Variants in DIXDC1 observed in about 807,000 individuals in gnomAD.
DIXDC1 encodes DIX domain containing 1, also known as dixin.
DIXDC1 carries 64 observed loss-of-function variants against 103.1 expected under a neutral mutation model. That is an observed-to-expected ratio of 0.62 (90% CI 0.51 to 0.76). The LOEUF (loss-of-function observed/expected upper bound fraction) is 0.76. Ranked by LOEUF, DIXDC1 falls within the 30% of genes least tolerant of loss-of-function variation. The pLI, the probability that DIXDC1 is intolerant of heterozygous loss-of-function variation, is 0.00. For missense variants in DIXDC1, 759 were observed against 834.2 expected (o/e 0.91, Z 1.11); for synonymous variants, 266 against 298.5 (o/e 0.89, Z 1.12).
intron 6 of DIXDC1, among the ~76,000 whole-genome samples, 194 bp downstream of exon 6, chr11:111,981,043 C>A (rs1421669747): frequency 6.6e-6 from 1 of 151,610 alleles, no homozygotes; most frequent in Non-Finnish European, 1.5e-5. Context: ...TTTCTGATAT[C>A]CTAGCTGTCA....
chr11:111,996,955 G>A (rs782757181), intron 17 of DIXDC1, among the ~76,000 whole-genome samples: 3 of 152,116 alleles, frequency 2.0e-5, no homozygotes, highest in African/African-American at 4.8e-5. Context: ...AACCTGCTCC[G>A]TGCCCACTCT....
At chr11:111,939,373 G>A (rs781953172) in intron 1 of DIXDC1, among the ~76,000 whole-genome samples, 1 of 152,226 alleles carries the variant, frequency 6.6e-6, no homozygotes, top group Non-Finnish European at 1.5e-5. Context: ...GAATGGGAGA[G>A]TGGTCTTTTT....
upstream of DIXDC1, among the ~76,000 whole-genome samples, chr11:111,935,305 C>CTTGGGCCAAGTAAGGAAG (rs1394472518): frequency 2.0e-5 from 3 of 152,152 alleles, no homozygotes; most frequent in Non-Finnish European, 2.9e-5. Context: ...ATATAAGGGA[C>CTTGGGCCAAGTAAGGAAG]TTGGGCCAAG....
intron 8 of DIXDC1, 69 bp downstream of exon 8, chr11:111,985,390 T>G (rs1356288950): frequency 8.3e-7 from 1 of 1,208,936 alleles, no homozygotes; most frequent in Non-Finnish European, 1.2e-6. Flanking sequence ...CATTTGACAC[T>G]GCTGTTCATG....
At position 111,986,837 on chromosome 11, in the gene DIXDC1, G is replaced by T. The variant is rs1555173900; in HGVS notation, c.1009-34G>T. 1.9e-6 allele frequency: 3 copies of T among 1,549,830 alleles called. No homozygotes were observed. In the Admixed American group the frequency reaches 5.9e-5, roughly 30 times the overall value. On this transcript the variant is annotated intron_variant, in intron 8 of 19. Coordinates refer to ENST00000440460, the MANE Select transcript of DIXDC1 (RefSeq NM_001037954.4). ...GAGTGGCTCTGTACTTCACAGCATA[G>T]GTGCTTAGCCATCTCTGTTTGTCTT...
At position 111,985,141 on chromosome 11, in the gene DIXDC1, A is replaced by T. The variant is rs1484056628; in HGVS notation, c.919-91A>T. The T allele has an allele frequency of 2.1e-5, 22 of 1,038,852 alleles. No homozygotes were observed. In the African/African-American group the frequency reaches 2.4e-4, roughly 11 times the overall value. 64.4% of individuals were successfully genotyped at this position (1,038,852 alleles called of 1,614,324 possible). On this transcript the variant is annotated intron_variant, in intron 7 of 19. Coordinates refer to ENST00000440460, the MANE Select transcript of DIXDC1 (RefSeq NM_001037954.4). Reference sequence around the variant, plus strand: ...AATGTCTTGAGGAGGCTGAGTTGTGATTTTAACTTGGGGTGAGCTTACCAA... The same window carrying T: ...AATGTCTTGAGGAGGCTGAGTTGTGTTTTTAACTTGGGGTGAGCTTACCAA...
At chr11:111,975,318 C>T (rs1251236905) in intron 5 of DIXDC1, 6 of 1,138,848 alleles carry the variant, frequency 5.3e-6, no homozygotes, top group Non-Finnish European at 6.5e-6. Flanking sequence ...TTATGATAGC[C>T]AGTTCCATTG....
chr11:111,955,937 C>T (rs61111688), intron 1 of DIXDC1, among the ~76,000 whole-genome samples: 11,605 of 148,748 alleles, frequency 0.078, 1,336 homozygotes, highest in African/African-American at 0.25. Context: ...AACTCAAGAG[C>T]CCATCAACTA....
chr11:111,928,046 A>G (rs1555167245), intron 1 of DIXDC1, among the ~76,000 whole-genome samples: 1 of 150,706 alleles, frequency 6.6e-6, no homozygotes, highest in East Asian at 1.9e-4. Flanking sequence ...AAATAGTATT[A>G]GCCCCATAAA....
intron 17 of DIXDC1, among the ~76,000 whole-genome samples, chr11:112,010,832 C>G (rs1861393015): frequency 6.6e-6 from 1 of 152,118 alleles, no homozygotes; most frequent in Non-Finnish European, 1.5e-5. Flanking sequence ...AACGTTAGAC[C>G]TAAAACCATA....
chr11:111,992,803 T>C, intron 11 of DIXDC1, 148 bp from the exon 12 acceptor site: 1 of 827,094 alleles, frequency 1.2e-6, no homozygotes, highest in Non-Finnish European at 1.9e-6. Flanking sequence ...TCACTAAAAA[T>C]GTGGAGAGCA....
chr11:111,950,433 T>TATATATATATATATATATATATAG, intron 1 of DIXDC1, among the ~76,000 whole-genome samples: 1 of 25,570 alleles, frequency 3.9e-5, no homozygotes, highest in Non-Finnish European at 6.4e-5. Flanking sequence ...TATATATATA[T>TATATATATATATATATATATATAG]ATATATTTTT....
chr11:111,992,338 A>T (rs1860736809), intron 10 of DIXDC1, 77 bp from the exon 11 acceptor site: 1 of 1,290,432 alleles, frequency 7.7e-7, no homozygotes, highest in Non-Finnish European at 1.1e-6. Flanking sequence ...AACACATTAA[A>T]GGCTTTAGTA....
Position 112,011,558 on chromosome 11 carries a change from G to T in DIXDC1, c.1757-5133G>T, listed in dbSNP as rs186462272. Among the ~76,000 whole-genome samples, 468 of 152,272 alleles carry T rather than the reference G, an allele frequency of 3.1e-3. 4 individuals carry two copies. The highest frequency in any genetic ancestry group is 0.01 in the African/African-American group (422 of 41,532). ...GCAAAGACTTGGAACCAACCCAAAT[G>T]TCCATCAATGATAGACTGGATTAAG... On this transcript the variant is annotated intron_variant, in intron 17 of 19. Coordinates refer to ENST00000440460, the MANE Select transcript of DIXDC1 (RefSeq NM_001037954.4).
rs1354978025 is a variant in DIXDC1 at position 111,958,378 on chromosome 11, C to T, written c.61-6171C>T. Reference sequence around the variant, plus strand: ...GGGGCTAGGCTTGGAAATGCTTGCTCCTGCTGCCTGGCCTCTCCCGACTCC... The same window carrying T: ...GGGGCTAGGCTTGGAAATGCTTGCTTCTGCTGCCTGGCCTCTCCCGACTCC... On this transcript the variant is annotated intron_variant, in intron 1 of 19. Transcript: ENST00000440460. The surrounding 1 kb of genome is among the most constrained non-coding windows in gnomAD (Gnocchi z 4.2). 1.3e-5 allele frequency among the ~76,000 whole-genome samples: 2 copies of T among 152,212 alleles called. No individual in the cohort carries two copies. The highest frequency in any genetic ancestry group is 1.9e-4 in the East Asian group (1 of 5,194).
intron 12 of DIXDC1, 129 bp downstream of exon 12, chr11:111,993,133 G>C: frequency 9.4e-7 from 1 of 1,062,334 alleles, no homozygotes; most frequent in Admixed American, 2.6e-5. Flanking sequence ...TTGCTTTTTA[G>C]AAGGAAGCAT....
intron 1 of DIXDC1, among the ~76,000 whole-genome samples, chr11:111,942,326 G>A (rs1966448352): frequency 6.6e-6 from 1 of 152,196 alleles, no homozygotes; most frequent in South Asian, 2.1e-4. Context: ...CGGTTCAGAG[G>A]ATCTAGGGAA....
chr11:111,972,318 G>C (rs1859963406), intron 3 of DIXDC1, among the ~76,000 whole-genome samples: 1 of 152,160 alleles, frequency 6.6e-6, no homozygotes, highest in Admixed American at 6.5e-5. Flanking sequence ...CGATACCTCT[G>C]ATCTGGTTCC....
chr11:111,978,017 G>A (rs587758686), intron 5 of DIXDC1, among the ~76,000 whole-genome samples: 1 of 152,118 alleles, frequency 6.6e-6, no homozygotes, highest in Non-Finnish European at 1.5e-5. Flanking sequence ...GGTCTTTGGT[G>A]GGGGAGGGCA....
Sources: allele counts gnomAD v4.1 joint callset (sites outside exome capture counted in the v4.1 genomes callset), GRCh38; gene constraint gnomAD v4.1.1; non-coding constraint Gnocchi (gnomAD v3.1); transcripts MANE v1.5; gene names NCBI Gene and HGNC (gene_info 2026-07-23, HGNC 2026-07-21).